The following ZNF469 variants were observed in gnomAD, a reference collection of about 807,000 sequenced individuals.
ZNF469 encodes zinc finger protein 469.
In ZNF469, 1 loss-of-function variant was observed where a neutral mutation model predicts 1.0. The observed-to-expected ratio is 1.00, with a 90% CI of 0.35 to 4.73. ZNF469 has a LOEUF of 4.73. ZNF469 is among the 30% of genes most tolerant of loss of function. The pLI is 0.16. For synonymous variants in ZNF469, 2,703 were observed against 2,363.4 expected, an observed-to-expected ratio of 1.14 and a Z score of -4.17; for missense variants, 6,100 against 5,356.3, an observed-to-expected ratio of 1.14 and a Z score of -4.33.
chr16:88,414,859 C>A (rs1407630847), intron 1 of ZNF469, among the ~76,000 whole-genome samples: 2 of 152,256 alleles, frequency 1.3e-5, no homozygotes, highest in Non-Finnish European at 2.9e-5. Flanking sequence ...CTTCCCAGGG[C>A]CATGGGTCAG....
At position 88,434,375 on chromosome 16, in the gene ZNF469, G is replaced by A; in HGVS notation, c.6905G>A (p.Gly2302Glu). Residue 2302 changes from glycine to glutamate, a missense_variant, in exon 3 of 3, where the codon GGA becomes GAA. Transcript: ENST00000565624. The part of the protein sequence containing the change: ...PTGDEAQAGR[G>E]LPGPDPQSRG... ...GGAGATGAGGCACAGGCAGGCAGGG[G>A]ACTCCCAGGGCCAGACCCCCAGAGC... The A allele has an allele frequency of 1.3e-6, 2 of 1,549,970 alleles. No individual in the cohort carries two copies. Among genetic ancestry groups the A allele is most frequent in the Non-Finnish European group, 1.7e-6 (2 of 1,146,920 alleles).
chr16:88,269,286 G>A, the ZNF469 span, among the ~76,000 whole-genome samples: 1 of 151,990 alleles, frequency 6.6e-6, no homozygotes, highest in African/African-American at 2.4e-5. Flanking sequence ...CTGCACCCAG[G>A]CGGCTTGGCC....
the ZNF469 span, among the ~76,000 whole-genome samples, chr16:88,333,863 A>AGTGTGTGT: frequency 0.059 from 8,280 of 140,772 alleles, 291 homozygotes; most frequent in East Asian, 0.14. Flanking sequence ...GGGCAGTTGC[A>AGTGTGTGT]GTGTGTGTGT....
chr16:88,370,076 C>T, the ZNF469 span, among the ~76,000 whole-genome samples: 7 of 152,342 alleles, frequency 4.6e-5, no homozygotes, highest in East Asian at 1.9e-4. Flanking sequence ...ATCCTGTGGC[C>T]GGGATGTCGA....
At chr16:88,104,759 T>C in the ZNF469 span, among the ~76,000 whole-genome samples, 3 of 152,172 alleles carry the variant, frequency 2.0e-5, no homozygotes, top group Non-Finnish European at 4.4e-5. Flanking sequence ...TGTGATCCCG[T>C]TTTCTGCCTG....
the ZNF469 span, among the ~76,000 whole-genome samples, chr16:88,272,727 C>T: frequency 1.3e-5 from 2 of 148,570 alleles, no homozygotes; most frequent in South Asian, 2.2e-4. Context: ...TATGGATAGA[C>T]GAGTGGACGG....
chr16:88,175,543 C>T, the ZNF469 span, among the ~76,000 whole-genome samples: 1 of 152,214 alleles, frequency 6.6e-6, no homozygotes, highest in Admixed American at 6.5e-5. Flanking sequence ...AGAAAGATGT[C>T]TGGAGACTAC....
the ZNF469 span, among the ~76,000 whole-genome samples, chr16:88,365,990 C>T: frequency 3.3e-5 from 5 of 152,218 alleles, no homozygotes; most frequent in African/African-American, 1.2e-4. Flanking sequence ...TGTTCCCCCA[C>T]AGTCTACTAT....
At chr16:88,387,310 G>A (rs1188038542) in intron 1 of ZNF469, among the ~76,000 whole-genome samples, 5 of 152,312 alleles carry the variant, frequency 3.3e-5, no homozygotes, top group African/African-American at 9.6e-5. Context: ...GTGAGTCCAC[G>A]TCACTCCCGG....
rs886881362 is a variant in ZNF469 at position 88,436,489 on chromosome 16, G to T, written c.9019G>T (p.Asp3007Tyr). Reference protein sequence around the residue: ...WRGLEMPAPADDSSSSLGDVS... With the variant: ...WRGLEMPAPAYDSSSSLGDVS... ...AGGCCTGGAGATGCCGGCCCCTGCC[G>T]ATGACTCCTCCTCTTCTCTCGGAGA... Residue 3007 changes from aspartate to tyrosine, a missense_variant, in exon 3 of 3, where the codon GAT (aspartate) becomes TAT (tyrosine). Physicochemically the swap from Asp to Tyr is radical, Grantham distance 160. Coordinates refer to ENST00000565624, the MANE Select transcript of ZNF469 (RefSeq NM_001367624.2). 1 of 1,547,674 alleles carries T rather than the reference G, an allele frequency of 6.5e-7. No homozygotes were observed. The highest frequency in any genetic ancestry group is 8.7e-7 in the Non-Finnish European group (1 of 1,146,958).
chr16:88,376,648 G>T, the ZNF469 span, among the ~76,000 whole-genome samples: 3 of 152,278 alleles, frequency 2.0e-5, no homozygotes, highest in Non-Finnish European at 4.4e-5. Context: ...CTGAGTGAGG[G>T]ATGCTCCGGC....
the ZNF469 span, among the ~76,000 whole-genome samples, chr16:88,247,984 G>A: frequency 4.6e-5 from 7 of 152,246 alleles, no homozygotes; most frequent in East Asian, 1.9e-4. Context: ...GCTGTGACGC[G>A]GCTGGACGGA....
In ZNF469 at chr16:88,436,723, C is replaced by A. The variant is rs2142313757; in HGVS notation, c.9253C>A (p.Gln3085Lys). The change falls in exon 3 of 3, where the codon CAG becomes AAG. Residue 3085 changes from glutamine (Q) to lysine (K), a missense_variant. Gln to Lys is a moderately conservative substitution (Grantham distance 53). Coordinates refer to ENST00000565624, the MANE Select transcript of ZNF469 (RefSeq NM_001367624.2). ...AGACTTCGAGGGCACGGCGAGCTCACAGGGGCCACAGAGCCGAAGGACAGA... is the reference window on the plus strand; with the variant it reads ...AGACTTCGAGGGCACGGCGAGCTCAAAGGGGCCACAGAGCCGAAGGACAGA... ...FLDFEGTASS[Q>K]GPQSRRTEEA... 1 of 1,548,832 alleles carries A rather than the reference C, an allele frequency of 6.5e-7. No homozygotes were observed. The highest frequency in any genetic ancestry group is 2.4e-5 in the East Asian group (1 of 40,878).
the ZNF469 span, among the ~76,000 whole-genome samples, chr16:88,356,523 T>C: frequency 2.0e-5 from 3 of 151,376 alleles, no homozygotes; most frequent in Non-Finnish European, 1.5e-5. Flanking sequence ...TGTGTGTGTA[T>C]TGCCGTGTGC....
At chr16:88,346,859 C>T in the ZNF469 span, among the ~76,000 whole-genome samples, 6 of 152,232 alleles carry the variant, frequency 3.9e-5, no homozygotes, top group African/African-American at 7.2e-5. Context: ...ATTGTGTCCA[C>T]GCTGCCACAT....
the ZNF469 span, chr16:88,191,387 A>C: frequency 0.31 from 46,803 of 152,200 alleles, 7,356 homozygotes; most frequent in East Asian, 0.44. Context: ...AGGTCTGGAG[A>C]TCTAGATGCC....
At chr16:88,124,648 G>A in the ZNF469 span, among the ~76,000 whole-genome samples, 10 of 152,074 alleles carry the variant, frequency 6.6e-5, no homozygotes, top group South Asian at 2.1e-4. Flanking sequence ...GCAATGGCAC[G>A]ATCTAGGCTC....
At chr16:88,302,344 C>T in the ZNF469 span, 1 of 152,226 alleles carries the variant, frequency 6.6e-6, no homozygotes, top group Non-Finnish European at 1.5e-5. Context: ...GAGTCTCACT[C>T]AAGATAAAAT....
At chr16:88,364,287 A>G in the ZNF469 span, among the ~76,000 whole-genome samples, 1 of 152,216 alleles carries the variant, frequency 6.6e-6, no homozygotes, top group Middle Eastern at 3.4e-3. Context: ...GTACAGATTT[A>G]TTTCTGAACT....
Sources: gnomAD v4.1 joint callset for allele counts (sites outside exome capture counted in the v4.1 genomes callset) on GRCh38, gnomAD v4.1.1 for gene constraint, MANE v1.5 for transcripts, NCBI Gene and HGNC (gene_info 2026-07-23, HGNC 2026-07-21) for gene names.